EXOSC7: variants seen among roughly 807,000 people sequenced by gnomAD.
The protein encoded by EXOSC7 is exosome component 7.
In EXOSC7, 25 loss-of-function variants were observed where a neutral mutation model predicts 34.3. The ratio of observed to expected loss-of-function variants is 0.73; its 90% CI spans 0.53 to 1.02. The LOEUF is 1.02. Among genes scored for constraint, EXOSC7 ranks in the 50% least tolerant of loss-of-function variants. The pLI is 0.00. For missense variants in EXOSC7, 370 were observed against 368.5 expected (o/e 1.00, Z -0.03); for synonymous variants, 130 against 143.0 (o/e 0.91, Z 0.65).
downstream of EXOSC7, chr3:45,012,653 A>C (rs1697317487): frequency 6.6e-6 from 1 of 152,184 alleles, no homozygotes; most frequent in South Asian, 2.1e-4. Flanking sequence ...TAAAGTTTAG[A>C]AGCATTTGCT....
intron 4 of EXOSC7, among the ~76,000 whole-genome samples, chr3:44,999,354 G>T (rs548518796): frequency 6.6e-6 from 1 of 152,112 alleles, no homozygotes; most frequent in Non-Finnish European, 1.5e-5. Context: ...TTGTTTTAAG[G>T]GTTTTGCTTA....
chr3:45,005,430 T>C lies in EXOSC7; in HGVS notation c.615+16T>C, dbSNP rs780133276. 1 of 1,611,554 alleles carries C rather than the reference T, an allele frequency of 6.2e-7. No homozygotes were observed. The highest frequency in any genetic ancestry group is 1.1e-5 in the South Asian group (1 of 90,968). ...TCTGTGCAAGGTATAACTTGTATTT[T>C]ATGGTTTTTGTCTTCCCTGTGGGTG... On this transcript the variant is annotated intron_variant, in intron 6 of 7. Coordinates refer to ENST00000265564, the MANE Select transcript of EXOSC7 (RefSeq NM_015004.4).
At chr3:45,007,351 C>T (rs1422834773) in intron 6 of EXOSC7, 69 bp from the exon 7 acceptor site, 13 of 1,554,248 alleles carry the variant, frequency 8.4e-6, no homozygotes, top group Middle Eastern at 1.7e-4. Context: ...ATTCCCACCA[C>T]GAGGCCATCA....
chr3:45,003,289 CTTG>C (rs1289001024), intron 5 of EXOSC7, among the ~76,000 whole-genome samples: 2 of 152,072 alleles, frequency 1.3e-5, no homozygotes, highest in Non-Finnish European at 2.9e-5. Context: ...TCTGCCCAGG[CTTG>C]TTGTAGCCAA....
At chr3:45,008,943 TC>T (rs1190658045) in intron 7 of EXOSC7, among the ~76,000 whole-genome samples, 1 of 152,250 alleles carries the variant, frequency 6.6e-6, no homozygotes, top group Non-Finnish European at 1.5e-5. Flanking sequence ...TATCATTTAG[TC>T]CTCAACAACC....
At chr3:45,007,185 C>G (rs899929166) in intron 6 of EXOSC7, among the ~76,000 whole-genome samples, 7 of 152,204 alleles carry the variant, frequency 4.6e-5, no homozygotes, top group Non-Finnish European at 5.9e-5. Context: ...TAGTTTTAAA[C>G]CACCTTGCCC....
At chr3:44,992,219 A>G (rs993123494) in intron 3 of EXOSC7, among the ~76,000 whole-genome samples, 2 of 152,240 alleles carry the variant, frequency 1.3e-5, no homozygotes, top group Non-Finnish European at 1.5e-5. Flanking sequence ...GCATTTGCCT[A>G]TCCACAGGCT....
chr3:45,010,245 T>G (rs1378760156), intron 7 of EXOSC7, among the ~76,000 whole-genome samples: 5 of 152,158 alleles, frequency 3.3e-5, no homozygotes, highest in Non-Finnish European at 4.4e-5. Flanking sequence ...TTTTTTTATA[T>G]TGGGGTGGTG....
chr3:44,999,107 A>G (rs1706805304), intron 4 of EXOSC7, among the ~76,000 whole-genome samples: 1 of 152,198 alleles, frequency 6.6e-6, no homozygotes, highest in Non-Finnish European at 1.5e-5. Context: ...ATGGGGACTG[A>G]TGTGCTTTTG....
At chr3:44,997,030 C>T (rs1706740028) in intron 3 of EXOSC7, 57 bp from the exon 4 acceptor site, 3 of 1,562,654 alleles carry the variant, frequency 1.9e-6, no homozygotes, top group Non-Finnish European at 2.6e-6. Flanking sequence ...AGCTTTGCCT[C>T]TTTGCTTTTT....
intron 7 of EXOSC7, among the ~76,000 whole-genome samples, chr3:45,009,934 T>G (rs910518304): frequency 6.6e-6 from 1 of 152,210 alleles, no homozygotes; most frequent in Non-Finnish European, 1.5e-5. Context: ...CATCTTTTCA[T>G]AAGAGTTTTA....
chr3:44,987,655 CTG>C (rs1271364566), intron 1 of EXOSC7, among the ~76,000 whole-genome samples: 2 of 152,026 alleles, frequency 1.3e-5, no homozygotes, highest in Non-Finnish European at 2.9e-5. Flanking sequence ...ACTGAAGTAA[CTG>C]GAAAACAGTA....
In EXOSC7 at chr3:44,996,412, G is replaced by A. The variant is rs116988785; in HGVS notation, c.255-675G>A. Among the ~76,000 whole-genome samples the A allele has an allele frequency of 8.1e-4, 123 of 151,726 alleles. 5 individuals carry two copies. The East Asian group carries it at 0.014, about 17-fold the overall frequency. On this transcript the variant is annotated intron_variant, in intron 3 of 7. Coordinates refer to ENST00000265564, the MANE Select transcript of EXOSC7 (RefSeq NM_015004.4). The stretch of plus-strand genomic sequence containing the variant: ...GCATAAATATCAAGAAGCCAAAAAG[G>A]GAAAAAAAAAGTTTTTCTCTTGAAA...
intron 1 of EXOSC7, among the ~76,000 whole-genome samples, chr3:44,986,779 A>G (rs1252028176): frequency 6.6e-6 from 1 of 152,240 alleles, no homozygotes; most frequent in Non-Finnish European, 1.5e-5. Flanking sequence ...ACCTGAAGCA[A>G]GTATGGCAGA....
intron 1 of EXOSC7, among the ~76,000 whole-genome samples, chr3:44,984,635 A>G (rs111603723): frequency 0.023 from 3,574 of 152,310 alleles, 110 homozygotes; most frequent in African/African-American, 0.079. Context: ...CTTGAGGCTT[A>G]AGTGCTACTT....
intron 5 of EXOSC7, chr3:45,004,055 AG>A (rs907211009): frequency 1.3e-5 from 2 of 152,234 alleles, no homozygotes; most frequent in Admixed American, 1.3e-4. Context: ...TATTACAAAT[AG>A]GGATGGGCAT....
At chr3:44,993,387 T>C (rs1416545556) in intron 3 of EXOSC7, among the ~76,000 whole-genome samples, 5 of 152,048 alleles carry the variant, frequency 3.3e-5, no homozygotes. Flanking sequence ...ACTAGATCAC[T>C]TTTTCTGCTG....
intron 3 of EXOSC7, among the ~76,000 whole-genome samples, chr3:44,994,863 G>A (rs1706676094): frequency 3.0e-5 from 1 of 33,674 alleles, no homozygotes. Flanking sequence ...ATGGGTGTGT[G>A]TGTGTGTGTG....
chr3:45,005,283 G>A lies in EXOSC7; in HGVS notation c.492-8G>A. ...AAGTGGGAATTTTACTAGTGCTTCT[G>A]CTTCCAGGATACCAAGGGTTCGAGT... On this transcript the variant is annotated splice_region_variant and splice_polypyrimidine_tract_variant and intron_variant, in intron 5 of 7. Transcript: ENST00000265564. 1 of 1,613,938 alleles carries A rather than the reference G, an allele frequency of 6.2e-7. No individual in the cohort carries two copies. Among genetic ancestry groups the A allele is most frequent in the Admixed American group, 1.7e-5 (1 of 59,988 alleles).
Sources: allele counts gnomAD v4.1 joint callset (sites outside exome capture counted in the v4.1 genomes callset), GRCh38; gene constraint gnomAD v4.1.1; transcripts MANE v1.5; gene names NCBI Gene and HGNC (gene_info 2026-07-23, HGNC 2026-07-21).